CFAP299: variants seen among roughly 807,000 people sequenced by gnomAD.
CFAP299 encodes the protein cilia- and flagella-associated protein 299.
Under a neutral mutation model 27.0 loss-of-function variants are expected in CFAP299, and 21 were observed. The ratio of observed to expected loss-of-function variants is 0.78; its 90% CI spans 0.55 to 1.12. The LOEUF is 1.12. Among genes scored for constraint, CFAP299 ranks in the 50% most tolerant of loss-of-function variants. CFAP299 has a pLI of 0.00. For synonymous variants in CFAP299, 104 were observed against 98.1 expected (o/e 1.06, Z -0.36); for missense variants, 310 against 276.6 (o/e 1.12, Z -0.86).
At chr4:80,872,347 C>T (rs1733141645) in intron 4 of CFAP299, 1 of 152,184 alleles carries the variant, frequency 6.6e-6, no homozygotes, top group South Asian at 2.1e-4. Flanking sequence ...AATGTTTTTA[C>T]TAAGGGTTGA....
chr4:80,892,792 A>G (rs1734374510), intron 4 of CFAP299, among the ~76,000 whole-genome samples: 1 of 152,158 alleles, frequency 6.6e-6, no homozygotes, highest in Admixed American at 6.5e-5. Flanking sequence ...CGAAAAACCG[A>G]AAGCTTTTCC....
chr4:80,651,155 T>G (rs1740256146), intron 3 of CFAP299, among the ~76,000 whole-genome samples: 3 of 152,104 alleles, frequency 2.0e-5, no homozygotes, highest in African/African-American at 7.2e-5. Context: ...GCAAATATTT[T>G]TCTCCTTGTT....
intron 2 of CFAP299, among the ~76,000 whole-genome samples, chr4:80,435,943 T>G (rs757562396): frequency 1.3e-5 from 2 of 152,190 alleles, no homozygotes; most frequent in Non-Finnish European, 2.9e-5. Context: ...CCCATATCTA[T>G]CTTTAATGTA....
intron 3 of CFAP299, among the ~76,000 whole-genome samples, chr4:80,626,299 A>T (rs1738901053): frequency 6.6e-6 from 1 of 151,950 alleles, no homozygotes; most frequent in African/African-American, 2.4e-5. Context: ...TCAATGAAGA[A>T]ATTGGAAAGA....
At chr4:80,762,022 G>A (rs980838331) in intron 3 of CFAP299, among the ~76,000 whole-genome samples, 1 of 151,922 alleles carries the variant, frequency 6.6e-6, no homozygotes, top group Admixed American at 6.6e-5. Context: ...GTTTATATGT[G>A]TTTGGGATTC....
At chr4:80,656,615 C>T (rs530417634) in intron 3 of CFAP299, among the ~76,000 whole-genome samples, 6 of 152,228 alleles carry the variant, frequency 3.9e-5, no homozygotes, top group East Asian at 3.9e-4. Flanking sequence ...TTTCTTTATC[C>T]GGTCTATCAC....
At chr4:80,527,234 C>T (rs889628244) in intron 2 of CFAP299, among the ~76,000 whole-genome samples, 4 of 151,836 alleles carry the variant, frequency 2.6e-5, no homozygotes, top group Admixed American at 1.3e-4. Flanking sequence ...GGGGACTTAC[C>T]GGCTAGTATT....
chr4:80,444,984 T>C (rs574131447), intron 2 of CFAP299, among the ~76,000 whole-genome samples: 12 of 152,270 alleles, frequency 7.9e-5, no homozygotes, highest in South Asian at 6.2e-4. Flanking sequence ...TACCATCTCA[T>C]GCCAGTTAGA....
chr4:80,566,865 C>T (rs537705789), intron 2 of CFAP299, among the ~76,000 whole-genome samples: 2 of 152,114 alleles, frequency 1.3e-5, no homozygotes, highest in African/African-American at 4.8e-5. Flanking sequence ...CATCTATTTC[C>T]TCTCTAAGCA....
intron 2 of CFAP299, among the ~76,000 whole-genome samples, chr4:80,525,695 T>C (rs1733142856): frequency 6.6e-6 from 1 of 152,164 alleles, no homozygotes; most frequent in South Asian, 2.1e-4. Context: ...CTCAGCTTCT[T>C]TCAGATCCTT....
chr4:80,775,984 G>C (rs148681118), intron 3 of CFAP299, among the ~76,000 whole-genome samples: 2 of 152,256 alleles, frequency 1.3e-5, no homozygotes, highest in East Asian at 3.9e-4. Flanking sequence ...GCAGATGATG[G>C]TTCTGGCTCA....
intron 4 of CFAP299, among the ~76,000 whole-genome samples, chr4:80,900,837 G>C (rs1440887797): frequency 6.6e-6 from 1 of 151,670 alleles, no homozygotes; most frequent in African/African-American, 2.4e-5. Context: ...TGACCTCTAT[G>C]TCCTTTTGTT....
chr4:80,335,701 T>C, upstream of CFAP299: 1 of 895,368 alleles, frequency 1.1e-6, no homozygotes, highest in East Asian at 2.4e-5. Flanking sequence ...AGGAACGAAG[T>C]GGGTGGAGCC....
chr4:80,332,820 G>T (rs547896722), upstream of CFAP299, among the ~76,000 whole-genome samples: 1 of 152,226 alleles, frequency 6.6e-6, no homozygotes, highest in African/African-American at 2.4e-5. Flanking sequence ...TGTTCTGATT[G>T]TTTGCCCACT....
intron 3 of CFAP299, among the ~76,000 whole-genome samples, chr4:80,660,734 G>A (rs1448711611): frequency 6.6e-6 from 1 of 152,128 alleles, no homozygotes; most frequent in South Asian, 2.1e-4. Flanking sequence ...AAATTAAAAT[G>A]ACTTTAATTT....
At chr4:80,913,826 A>G (rs975197564) in intron 4 of CFAP299, among the ~76,000 whole-genome samples, 4 of 152,212 alleles carry the variant, frequency 2.6e-5, no homozygotes, top group Middle Eastern at 3.4e-3. Context: ...TCACCCCCTA[A>G]AGTATGCCTT....
rs1328106014 is a variant in CFAP299 at position 80,583,826 on chromosome 4, A to C, written c.333+643A>C. 3.3e-5 allele frequency among the ~76,000 whole-genome samples: 5 copies of C among 152,000 alleles called. No homozygotes were observed. In the East Asian group the frequency reaches 9.6e-4, roughly 29 times the overall value. On this transcript the variant is annotated intron_variant, in intron 3 of 5. Transcript: ENST00000358105. ...CCAAATCAAATTTAATAGAAAAGGC[A>C]AATATTCATGCTAAAACTGTAGTAA... is the stretch of plus-strand genomic sequence containing the variant.
chr4:80,647,849 G>T (rs1290088097), intron 3 of CFAP299, among the ~76,000 whole-genome samples: 1 of 152,128 alleles, frequency 6.6e-6, no homozygotes. Flanking sequence ...CAAGGTGGGC[G>T]GATCACCTGA....
chr4:80,820,971 C>T (rs188039894), intron 3 of CFAP299, among the ~76,000 whole-genome samples: 2 of 152,216 alleles, frequency 1.3e-5, no homozygotes. Flanking sequence ...ACCAATAATC[C>T]TGAACCACTG....
Sources: allele counts gnomAD v4.1 joint callset (sites outside exome capture counted in the v4.1 genomes callset), GRCh38; gene constraint gnomAD v4.1.1; transcripts MANE v1.5; gene names NCBI Gene and HGNC (gene_info 2026-07-23, HGNC 2026-07-21).